Variants in GNAI2 observed in about 807,000 individuals in gnomAD.
The protein encoded by GNAI2 is G protein subunit alpha i2, also known as guanine nucleotide-binding protein G(i) subunit alpha-2.
Under a neutral mutation model 36.8 loss-of-function variants are expected in GNAI2, and 4 were observed. The ratio of observed to expected loss-of-function variants is 0.11; its 90% CI spans 0.05 to 0.25. The LOEUF (loss-of-function observed/expected upper bound fraction) is 0.25, where lower values mean the gene tolerates loss of function less well. GNAI2 is among the 10% of genes least tolerant of loss of function. GNAI2 has a pLI of 1.00. For synonymous variants in GNAI2, 194 were observed against 194.1 expected, an observed-to-expected ratio of 1.00 and a Z score of 0.01; for missense variants, 230 against 481.3, an observed-to-expected ratio of 0.48 and a Z score of 4.89.
chr3:50,231,968 G>A (rs111388951), upstream of GNAI2, among the ~76,000 whole-genome samples: 3 of 151,666 alleles, frequency 2.0e-5, no homozygotes, highest in African/African-American at 4.8e-5. Flanking sequence ...AGGCCAAGAC[G>A]GGAGGATTGC....
At chr3:50,249,148 T>A (rs1207737849) in intron 1 of GNAI2, among the ~76,000 whole-genome samples, 2 of 152,156 alleles carry the variant, frequency 1.3e-5, no homozygotes, top group Non-Finnish European at 2.9e-5. Context: ...CTGGGTAGCT[T>A]CCCTGCTGAG....
chr3:50,244,614 T>C (rs989256407), intron 1 of GNAI2, among the ~76,000 whole-genome samples: 1 of 152,188 alleles, frequency 6.6e-6, no homozygotes, highest in Non-Finnish European at 1.5e-5. Context: ...GCACGTACGG[T>C]ACTGTGTGGT....
chr3:50,252,972 C>G lies in GNAI2; in HGVS notation c.304-52C>G, dbSNP rs2109211866. 6.7e-7 allele frequency: 1 copy of G among 1,486,858 alleles called. No homozygotes were observed. Among genetic ancestry groups the G allele is most frequent in the East Asian group, 2.3e-5 (1 of 43,566 alleles). 92.1% of individuals were successfully genotyped at this position (1,486,858 alleles called of 1,614,324 possible). A position where few individuals can be genotyped will look rare whatever the true frequency, so the allele number is the denominator to read the frequency against. ...ATTCCAGAGGTCTCCCTGCCTCTGG[C>G]AGAGTGGGGGTACATTCCTTCAACT... On this transcript the variant is annotated intron_variant, in intron 3 of 8. Transcript: ENST00000313601. This position sits in a 1 kb window ranked among gnomAD's most constrained non-coding sequence, Gnocchi z 4.1.
In GNAI2 at chr3:50,246,466, G is replaced by A. The variant is rs150993027; in HGVS notation, c.119-5634G>A. ...TGAGCTGGAGATGTGGCACCTTCCT[G>A]GGATAAGAGAAGGAGGTGGTGTCCG... On this transcript the variant is annotated intron_variant, in intron 1 of 8. Transcript: ENST00000313601. 1.1e-3 allele frequency among the ~76,000 whole-genome samples: 174 copies of A among 152,334 alleles called. 1 individual carries two copies. Among genetic ancestry groups the A allele is most frequent in the African/African-American group, 4.1e-3 (171 of 41,584 alleles).
chr3:50,247,916 T>C (rs959780490), intron 1 of GNAI2, among the ~76,000 whole-genome samples: 1 of 152,174 alleles, frequency 6.6e-6, no homozygotes, highest in Non-Finnish European at 1.5e-5. Flanking sequence ...ATTGCCTCAG[T>C]TCCCCTACCC....
upstream of GNAI2, chr3:50,236,175 T>C (rs587735553): frequency 2.5e-3 from 2,969 of 1,170,238 alleles, 3 homozygotes; most frequent in Admixed American, 6.0e-3. The surrounding 1 kb of genome is among the most constrained non-coding windows in gnomAD (Gnocchi z 4.0). Flanking sequence ...CCGCCGTCGG[T>C]GCGCGGCGGT....
rs1409979537 is a variant in GNAI2 at position 50,241,026 on chromosome 3, G to A, written c.118+4573G>A. On this transcript the variant is annotated intron_variant, in intron 1 of 8. Transcript: ENST00000313601. This position sits in a 1 kb window ranked among gnomAD's most constrained non-coding sequence, Gnocchi z 5.0. The stretch of plus-strand genomic sequence containing the variant: ...CTAGAGGCTGCCTGGCCTGGGTTTG[G>A]AGCCCTAGGGAACCCCCTCCCCTGC... Among the ~76,000 whole-genome samples the A allele has an allele frequency of 1.3e-5, 2 of 152,122 alleles. No individual in the cohort carries two copies. The highest frequency in any genetic ancestry group is 2.9e-5 in the Non-Finnish European group (2 of 68,000).
At chr3:50,227,550 A>T (rs1699997378), upstream of GNAI2, 1 of 178,616 alleles carries the variant, frequency 5.6e-6, no homozygotes, top group Non-Finnish European at 1.2e-5. The surrounding 1 kb of genome is among the most constrained non-coding windows in gnomAD (Gnocchi z 5.9). Flanking sequence ...CGGCCACCGA[A>T]ATCCCGCGCT....
chr3:50,231,267 AGATT>A (rs1413333591), upstream of GNAI2, among the ~76,000 whole-genome samples: 1 of 152,106 alleles, frequency 6.6e-6, no homozygotes, highest in Non-Finnish European at 1.5e-5. Context: ...CAGGATGAAG[AGATT>A]GATTGATGGA....
chr3:50,240,132 G>A (rs987977605), intron 1 of GNAI2: 5 of 152,374 alleles, frequency 3.3e-5, no homozygotes, highest in Admixed American at 2.6e-4. Flanking sequence ...TGGGAGAGGA[G>A]TAAGTATAAT....
Position 50,259,213 on chromosome 3 carries a change from G to C in GNAI2, c.*870G>C, listed in dbSNP as rs964685171. On this transcript the variant is annotated 3_prime_UTR_variant, in exon 9 of 9. Transcript: ENST00000313601. ...CCCTAGCGCTAACCTAGGAACCGCC[G>C]CTGCCTGCTGGGGGGCCACGCCCCT... 9.3e-6 allele frequency: 2 copies of C among 215,892 alleles called. No individual in the cohort carries two copies. Among genetic ancestry groups the C allele is most frequent in the African/African-American group, 2.3e-5 (1 of 43,112 alleles). 13.4% of individuals were successfully genotyped at this position (215,892 alleles called of 1,614,324 possible).
intron 1 of GNAI2, among the ~76,000 whole-genome samples, chr3:50,245,060 G>A (rs1700384155): frequency 6.6e-6 from 1 of 150,996 alleles, no homozygotes; most frequent in Non-Finnish European, 1.5e-5. Context: ...GTGCAGTGAT[G>A]CAATCTCGGC....
upstream of GNAI2, chr3:50,235,316 ATT>A (rs782797873): frequency 1.2e-4 from 17 of 141,630 alleles, no homozygotes; most frequent in South Asian, 2.3e-4. Context: ...ATGGAAACCA[ATT>A]TTTTTTTTTT....
At position 50,253,356 on chromosome 3, in the gene GNAI2, C is replaced by T. The variant is rs1553702800; in HGVS notation, c.464+172C>T. On this transcript the variant is annotated intron_variant, in intron 4 of 8. Coordinates refer to ENST00000313601, the MANE Select transcript of GNAI2 (RefSeq NM_002070.4). The surrounding 1 kb of genome is among the most constrained non-coding windows in gnomAD (Gnocchi z 4.2). Reference sequence around the variant, plus strand: ...TGGTTTGGGGGGTGGGTGGGTGTCACGTTACTGAAAGGCCAGGAGGAATGA... The same window carrying T: ...TGGTTTGGGGGGTGGGTGGGTGTCATGTTACTGAAAGGCCAGGAGGAATGA... 1.3e-5 allele frequency among the ~76,000 whole-genome samples: 2 copies of T among 152,078 alleles called. No individual in the cohort carries two copies. The highest frequency in any genetic ancestry group is 2.1e-4 in the South Asian group (1 of 4,830).
chr3:50,229,555 T>G (rs1164202551), upstream of GNAI2: 3 of 152,454 alleles, frequency 2.0e-5, no homozygotes, highest in Middle Eastern at 6.8e-3. Context: ...CCATGATGCC[T>G]CATGGCAGTC....
In GNAI2 at chr3:50,258,543, C is replaced by T. The variant is rs1158042262; in HGVS notation, c.*200C>T. 1 of 177,254 alleles carries T rather than the reference C, an allele frequency of 5.6e-6. No individual in the cohort carries two copies. Among genetic ancestry groups the T allele is most frequent in the African/African-American group, 2.4e-5 (1 of 41,946 alleles). The allele number at this position is 177,254 out of a possible 1,614,324, so 11.0% of individuals were successfully genotyped here. A position where few individuals can be genotyped will look rare whatever the true frequency, so the allele number is the denominator to read the frequency against. On this transcript the variant is annotated 3_prime_UTR_variant, in exon 9 of 9. Transcript: ENST00000313601. ...TTGCCACAGGCCTCCCTGTTTGAAG[C>T]CTGCCCTTGTCTGAGATGCTGGTAA...
Position 50,252,446 on chromosome 3 carries a change from G to T in GNAI2, c.211G>T (p.Ala71Ser), listed in dbSNP as rs1254780993. 6.2e-7 allele frequency: 1 copy of T among 1,613,528 alleles called. No homozygotes were observed. Among genetic ancestry groups the T allele is most frequent in the African/African-American group, 1.3e-5 (1 of 74,906 alleles). The change falls in exon 3 of 9, where the codon GCG becomes TCG. Residue 71 changes from alanine (A) to serine (S), a missense_variant. Physicochemically the swap from Ala to Ser is moderately conservative, Grantham distance 99. Coordinates refer to ENST00000313601, the MANE Select transcript of GNAI2 (RefSeq NM_002070.4). The surrounding 1 kb of genome is among the most constrained non-coding windows in gnomAD (Gnocchi z 4.1). ...CGAGGAGGAATGCCGGCAGTACCGG[G>T]CGGTTGTCTACAGCAACACCATCCA... ...YSEEECRQYR[A>S]VVYSNTIQSI...
chr3:50,236,058 C>A (rs1014610526), upstream of GNAI2: 7 of 440,224 alleles, frequency 1.6e-5, no homozygotes, highest in African/African-American at 4.2e-5. The surrounding 1 kb of genome is among the most constrained non-coding windows in gnomAD (Gnocchi z 4.0). Flanking sequence ...CCCCTTCGCT[C>A]CGCCCTCGAG....
intron 1 of GNAI2, chr3:50,251,673 G>A (rs1240263251): frequency 7.4e-7 from 1 of 1,344,144 alleles, no homozygotes; most frequent in Admixed American, 2.0e-5. Context: ...TACCCTGTTG[G>A]ATGGAGTATG....
Sources: allele counts gnomAD v4.1 joint callset (sites outside exome capture counted in the v4.1 genomes callset), GRCh38; gene constraint gnomAD v4.1.1; non-coding constraint Gnocchi (gnomAD v3.1); transcripts MANE v1.5; gene names NCBI Gene and HGNC (gene_info 2026-07-23, HGNC 2026-07-21).